Variants in CTNNA2 observed in about 807,000 individuals in gnomAD.
CTNNA2 encodes catenin alpha 2.
A neutral mutation model predicts 101.0 loss-of-function variants in CTNNA2; 42 were observed. That is an observed-to-expected ratio of 0.42 (90% CI 0.32 to 0.54). The LOEUF is 0.54. Ranked by LOEUF, CTNNA2 falls within the 20% of genes least tolerant of loss-of-function variation. The pLI, the probability that CTNNA2 is intolerant of heterozygous loss-of-function variation, is 0.14. For missense variants in CTNNA2, 871 were observed against 1,223.1 expected, an observed-to-expected ratio of 0.71 and a Z score of 4.29; for synonymous variants, 450 against 456.4, an observed-to-expected ratio of 0.99 and a Z score of 0.18.
At chr2:80,312,689 T>C (rs1026553585) in intron 7 of CTNNA2, among the ~76,000 whole-genome samples, 65 of 152,366 alleles carry the variant, frequency 4.3e-4, no homozygotes, top group African/African-American at 1.4e-3. Flanking sequence ...TATAGTAAGT[T>C]CTGTCTGCTC....
At chr2:79,530,094 A>T (rs996395563) in intron 1 of CTNNA2, among the ~76,000 whole-genome samples, 1 of 151,978 alleles carries the variant, frequency 6.6e-6, no homozygotes, top group Non-Finnish European at 1.5e-5. Context: ...CTGTGGTGGG[A>T]GGTTAGCTTT....
chr2:80,042,461 C>T (rs1465609912), intron 7 of CTNNA2, among the ~76,000 whole-genome samples: 4 of 152,098 alleles, frequency 2.6e-5, no homozygotes, highest in Admixed American at 1.3e-4. Context: ...AAAGAAACAT[C>T]GAAGGTGAGA....
chr2:80,575,160 G>C (rs1255916974), intron 13 of CTNNA2: 1 of 152,118 alleles, frequency 6.6e-6, no homozygotes, highest in Non-Finnish European at 1.5e-5. Context: ...TACTGCATAT[G>C]CAAAAGCACA....
chr2:80,409,367 G>A (rs1679355728), intron 8 of CTNNA2, among the ~76,000 whole-genome samples: 2 of 152,092 alleles, frequency 1.3e-5, no homozygotes, highest in South Asian at 2.1e-4. Context: ...GTGTTGTTTA[G>A]GCCAGCCTCC....
intron 7 of CTNNA2, among the ~76,000 whole-genome samples, chr2:80,331,721 G>A (rs1292033379): frequency 1.3e-5 from 2 of 152,150 alleles, no homozygotes; most frequent in African/African-American, 2.4e-5. Context: ...ATCTCCACCC[G>A]ATGACAGATA....
chr2:79,445,792 AC>A (rs1171449061), intron 4 of CTNNA2, among the ~76,000 whole-genome samples: 3 of 152,168 alleles, frequency 2.0e-5, no homozygotes, highest in Non-Finnish European at 4.4e-5. Context: ...AAAGAGTTTA[AC>A]TAAAATTTAA....
At chr2:79,475,847 A>G (rs76996327) in intron 4 of CTNNA2, among the ~76,000 whole-genome samples, 2,729 of 152,218 alleles carry the variant, frequency 0.018, 75 homozygotes, top group African/African-American at 0.062. Flanking sequence ...CTCAATATCT[A>G]TAAGGATGCT....
Position 80,378,542 on chromosome 2 carries a change from T to C in CTNNA2, c.1057-14669T>C, listed in dbSNP as rs187984566. ...TTTTATTTTACTCTGCTGTGTTGTA[T>C]ATATGATTAACAAATGCATCATCAG... is the stretch of plus-strand genomic sequence containing the variant. On this transcript the variant is annotated intron_variant, in intron 7 of 18. Transcript: ENST00000402739. 4.6e-5 allele frequency: 7 copies of C among 152,262 alleles called. No homozygotes were observed. In the East Asian group the frequency reaches 1.4e-3, roughly 29 times the overall value. 9.4% of individuals were successfully genotyped at this position (152,262 alleles called of 1,614,324 possible). A position where few individuals can be genotyped will look rare whatever the true frequency, so the allele number is the denominator to read the frequency against.
In CTNNA2 at chr2:80,547,690, C is replaced by CTTTTTT. The variant is rs61186189; in HGVS notation, c.1540+1638_1540+1643dup. On this transcript the variant is annotated intron_variant, in intron 11 of 18. Transcript: ENST00000402739. ...AGAACTCAATATATTGTCACTTCTG[C>CTTTTTT]TTTTTTTTTTTTTTTTGAGATGGAG... 7.0e-3 allele frequency among the ~76,000 whole-genome samples: 867 copies of CTTTTTT among 124,260 alleles called. 82 individuals carry two copies. Among genetic ancestry groups the CTTTTTT allele is most frequent in the African/African-American group, 0.02 (577 of 29,340 alleles). The allele number at this position is 124,260 out of a possible 152,430, so 81.5% of individuals were successfully genotyped here.
chr2:79,212,610 C>T (rs1674190015), intron 2 of CTNNA2, among the ~76,000 whole-genome samples: 1 of 152,142 alleles, frequency 6.6e-6, no homozygotes, highest in East Asian at 1.9e-4. Context: ...GCTGATTTGA[C>T]TAATGAAGGC....
At chr2:79,655,486 C>A (rs751382271) in intron 2 of CTNNA2, among the ~76,000 whole-genome samples, 9 of 152,076 alleles carry the variant, frequency 5.9e-5, no homozygotes, top group Non-Finnish European at 8.8e-5. Flanking sequence ...TTATATTTTA[C>A]CCTTGAATTT....
intron 7 of CTNNA2, among the ~76,000 whole-genome samples, chr2:79,926,954 G>T (rs887474579): frequency 2.6e-5 from 4 of 152,074 alleles, no homozygotes; most frequent in African/African-American, 9.7e-5. Context: ...TTGAGATACT[G>T]AATTATTCAT....
At chr2:79,979,682 A>T (rs1056246494) in intron 7 of CTNNA2, among the ~76,000 whole-genome samples, 3 of 152,144 alleles carry the variant, frequency 2.0e-5, no homozygotes, top group Non-Finnish European at 4.4e-5. Context: ...GTACGACAAG[A>T]CAAAAAGAAA....
intron 9 of CTNNA2, among the ~76,000 whole-genome samples, chr2:80,445,951 G>C (rs1683037791): frequency 6.6e-6 from 1 of 152,128 alleles, no homozygotes; most frequent in Non-Finnish European, 1.5e-5. Flanking sequence ...TTCTATGCCT[G>C]GGCTTCCTTA....
In CTNNA2 at chr2:80,460,726, C is replaced by A. The variant is rs573867397; in HGVS notation, c.1290+41125C>A. On this transcript the variant is annotated intron_variant, in intron 9 of 18. Transcript: ENST00000402739. ...ACTGTAAGTCTTCCCTATTGGTTTG[C>A]AACTTGCTTTTCTTATTTAAAATAT... Among the ~76,000 whole-genome samples, 4 of 152,244 alleles carry A rather than the reference C, an allele frequency of 2.6e-5. No homozygotes were observed. The South Asian group carries it at 8.3e-4, about 32-fold the overall frequency.
intron 3 of CTNNA2, among the ~76,000 whole-genome samples, chr2:79,353,619 C>A (rs1677441677): frequency 2.0e-5 from 3 of 152,042 alleles, no homozygotes. Context: ...TTTCTTTATT[C>A]CACTTGTCAT....
At chr2:80,625,931 T>C (rs1224207764) in intron 18 of CTNNA2, among the ~76,000 whole-genome samples, 1 of 151,652 alleles carries the variant, frequency 6.6e-6, no homozygotes, top group African/African-American at 2.4e-5. Context: ...TTCAGATATA[T>C]TAAACCCTTT....
chr2:79,955,823 G>A (rs1689183801), intron 7 of CTNNA2, among the ~76,000 whole-genome samples: 1 of 152,100 alleles, frequency 6.6e-6, no homozygotes, highest in Non-Finnish European at 1.5e-5. Flanking sequence ...GCCCCCAGGG[G>A]ACCTATGGGT....
intron 9 of CTNNA2, among the ~76,000 whole-genome samples, chr2:80,503,659 A>G (rs2149537058): frequency 6.6e-6 from 1 of 152,198 alleles, no homozygotes; most frequent in South Asian, 2.1e-4. Flanking sequence ...CTTGATTAAT[A>G]TTGTTTAGAA....
Sources: gnomAD v4.1 joint callset for allele counts (sites outside exome capture counted in the v4.1 genomes callset) on GRCh38, gnomAD v4.1.1 for gene constraint, MANE v1.5 for transcripts, NCBI Gene and HGNC (gene_info 2026-07-23, HGNC 2026-07-21) for gene names.